Variants in MSR1 observed in about 807,000 individuals in gnomAD.
MSR1 encodes macrophage scavenger receptor types I and II.
In MSR1, 53 loss-of-function variants were observed where a neutral mutation model predicts 47.2. The ratio of observed to expected loss-of-function variants is 1.12; its 90% CI spans 0.90 to 1.41. MSR1 has a LOEUF of 1.41. MSR1 is among the 40% of genes most tolerant of loss of function. The pLI is 0.00. For synonymous variants in MSR1, 239 were observed against 185.6 expected, an observed-to-expected ratio of 1.29 and a Z score of -2.34; for missense variants, 786 against 546.9, an observed-to-expected ratio of 1.44 and a Z score of -4.36.
chr8:16,168,290 T>C (rs1585180921), intron 4 of MSR1, among the ~76,000 whole-genome samples, 168 bp downstream of exon 4: 5 of 152,236 alleles, frequency 3.3e-5, no homozygotes, highest in Admixed American at 2.0e-4. Context: ...GAATCCATTT[T>C]AAATCCCTTA....
intron 3 of MSR1, among the ~76,000 whole-genome samples, chr8:16,171,585 T>C (rs351568): frequency 0.019 from 2,881 of 152,292 alleles, 91 homozygotes; most frequent in African/African-American, 0.066. Flanking sequence ...TCATTAATTC[T>C]ATGATTTAAT....
At chr8:16,141,042 G>T (rs1008097751) in intron 8 of MSR1, 2 of 1,613,202 alleles carry the variant, frequency 1.2e-6, no homozygotes, top group East Asian at 2.2e-5. Context: ...GAGTTGTACT[G>T]GTCCTGACAC....
At chr8:16,168,039 A>G (rs1585180666) in intron 4 of MSR1, among the ~76,000 whole-genome samples, 1 of 152,086 alleles carries the variant, frequency 6.6e-6, no homozygotes, top group Admixed American at 6.5e-5. Context: ...GACCATGTAT[A>G]AGTTCAAAAG....
intron 9 of MSR1, among the ~76,000 whole-genome samples, chr8:16,118,135 T>C (rs954672391): frequency 1.4e-4 from 22 of 152,174 alleles, no homozygotes; most frequent in African/African-American, 4.3e-4. Flanking sequence ...TTTTTTATAC[T>C]GAGCTTGTCT....
intron 8 of MSR1, among the ~76,000 whole-genome samples, chr8:16,133,882 C>T (rs1056443131): frequency 6.6e-6 from 1 of 152,174 alleles, no homozygotes; most frequent in Non-Finnish European, 1.5e-5. Context: ...CTTTACTCAA[C>T]CTTAATTTCT....
chr8:16,171,835 T>C, intron 3 of MSR1, among the ~76,000 whole-genome samples: 1 of 152,222 alleles, frequency 6.6e-6, no homozygotes, highest in Non-Finnish European at 1.5e-5. Context: ...CTTTATAAAC[T>C]ATGGCGTTGG....
At chr8:16,165,855 A>G (rs1801290777) in intron 4 of MSR1, among the ~76,000 whole-genome samples, 1 of 152,014 alleles carries the variant, frequency 6.6e-6, no homozygotes, top group African/African-American at 2.4e-5. Flanking sequence ...CCTTCTCCCA[A>G]ACAAAACCTT....
intron 8 of MSR1, among the ~76,000 whole-genome samples, chr8:16,137,055 A>G (rs1304528243): frequency 6.6e-6 from 1 of 151,942 alleles, no homozygotes; most frequent in Non-Finnish European, 1.5e-5. Context: ...AAAAAAAGAC[A>G]CAATAAAAAA....
intron 8 of MSR1, among the ~76,000 whole-genome samples, chr8:16,126,442 G>C (rs1800130741): frequency 6.6e-6 from 1 of 152,028 alleles, no homozygotes; most frequent in Non-Finnish European, 1.5e-5. Flanking sequence ...TATGATATTT[G>C]AGATGCAAAC....
intron 4 of MSR1, 120 bp downstream of exon 4, chr8:16,168,338 T>C: frequency 1.1e-6 from 1 of 936,150 alleles, no homozygotes; most frequent in Non-Finnish European, 1.7e-6. Context: ...GCCATAGAAA[T>C]CAGGGTAAAC....
At chr8:16,169,218 G>C (rs752644275) in intron 3 of MSR1, among the ~76,000 whole-genome samples, 16 of 152,152 alleles carry the variant, frequency 1.1e-4, no homozygotes, top group Admixed American at 3.9e-4. Flanking sequence ...CAGAACTGCT[G>C]TTAGAATAAA....
intron 5 of MSR1, among the ~76,000 whole-genome samples, chr8:16,163,159 G>C (rs1801207771): frequency 6.6e-6 from 1 of 151,738 alleles, no homozygotes; most frequent in Non-Finnish European, 1.5e-5. Flanking sequence ...TTGGTAGAGA[G>C]AAAAATTCAG....
chr8:16,186,977 C>T (rs148576710), intron 1 of MSR1, among the ~76,000 whole-genome samples: 51 of 152,110 alleles, frequency 3.4e-4, no homozygotes, highest in African/African-American at 1.2e-3. Flanking sequence ...TAATTCTCCA[C>T]ACACTTCCCA....
chr8:16,165,644 G>A (rs1045058977), intron 4 of MSR1, among the ~76,000 whole-genome samples: 7 of 151,990 alleles, frequency 4.6e-5, no homozygotes, highest in Admixed American at 2.6e-4. Context: ...ATAAGCCAGT[G>A]GTATGTTTTT....
Position 16,174,711 on chromosome 8 carries a change from A to T in MSR1, c.217+476T>A, listed in dbSNP as rs1388250453. ...TTATTCTACAAAGTCTCCTCTCTTT[A>T]AAAACTGACAGAAATATTTTTTCTG... On this transcript the variant is annotated intron_variant, in intron 3 of 9. Transcript: ENST00000262101. Among the ~76,000 whole-genome samples the T allele has an allele frequency of 2.0e-5, 3 of 152,198 alleles. No individual in the cohort carries two copies. The South Asian group carries it at 6.2e-4, about 31-fold the overall frequency.
intron 4 of MSR1, among the ~76,000 whole-genome samples, chr8:16,164,575 T>C (rs1027813020): frequency 6.6e-6 from 1 of 151,976 alleles, no homozygotes; most frequent in Non-Finnish European, 1.5e-5. Context: ...AAGGTCTTAA[T>C]TTATCTGAAG....
At chr8:16,133,618 T>C (rs1800316579) in intron 8 of MSR1, among the ~76,000 whole-genome samples, 1 of 152,176 alleles carries the variant, frequency 6.6e-6, no homozygotes, top group African/African-American at 2.4e-5. Flanking sequence ...CCTCAAAAAC[T>C]GTTGTGAGAA....
At chr8:16,190,694 T>G (rs1053037149) in intron 1 of MSR1, among the ~76,000 whole-genome samples, 3 of 151,886 alleles carry the variant, frequency 2.0e-5, no homozygotes, top group Non-Finnish European at 4.4e-5. Context: ...CCTATTTAGT[T>G]TTTTTATCAT....
At chr8:16,136,674 C>T (rs904232203) in intron 8 of MSR1, among the ~76,000 whole-genome samples, 14 of 152,082 alleles carry the variant, frequency 9.2e-5, no homozygotes, top group Admixed American at 7.9e-4. Context: ...ATGATCTCAG[C>T]TCACTGCAAC....
Sources: gnomAD v4.1 joint callset for allele counts (sites outside exome capture counted in the v4.1 genomes callset) on GRCh38, gnomAD v4.1.1 for gene constraint, MANE v1.5 for transcripts, NCBI Gene and HGNC (gene_info 2026-07-23, HGNC 2026-07-21) for gene names.